Variants in PRKG1 observed in about 807,000 individuals in gnomAD.
PRKG1 encodes protein kinase cGMP-dependent 1.
Under a neutral mutation model 88.1 loss-of-function variants are expected in PRKG1, and 35 were observed. That is an observed-to-expected ratio of 0.40 (90% CI 0.30 to 0.53). PRKG1 has a LOEUF of 0.53. PRKG1 is among the 20% of genes least tolerant of loss of function. The pLI is 0.59. For synonymous variants in PRKG1, 303 were observed against 292.5 expected (o/e 1.04, Z -0.37); for missense variants, 540 against 839.8 (o/e 0.64, Z 4.41).
At chr10:51,718,022 A>T (rs1841926882) in intron 3 of PRKG1, among the ~76,000 whole-genome samples, 2 of 152,082 alleles carry the variant, frequency 1.3e-5, no homozygotes, top group Admixed American at 1.3e-4. Flanking sequence ...ACACTCATTA[A>T]ACATTTAATT....
intron 2 of PRKG1, among the ~76,000 whole-genome samples, chr10:51,400,664 C>A (rs569159812): frequency 2.6e-5 from 4 of 152,314 alleles, no homozygotes; most frequent in Middle Eastern, 3.4e-3. Context: ...GAAGTGAGTG[C>A]GTTTCTGTTT....
At chr10:51,134,107 T>A (rs1432663821) in intron 1 of PRKG1, among the ~76,000 whole-genome samples, 1 of 152,226 alleles carries the variant, frequency 6.6e-6, no homozygotes, top group Non-Finnish European at 1.5e-5. Context: ...GATTCTAATA[T>A]CCGCCATTAT....
intron 2 of PRKG1, among the ~76,000 whole-genome samples, chr10:51,220,500 G>T (rs1330948955): frequency 6.6e-6 from 1 of 151,884 alleles, no homozygotes; most frequent in African/African-American, 2.4e-5. Flanking sequence ...ATCTAACAGA[G>T]AATTCACAGT....
At chr10:52,126,729 C>T (rs1055724838) in intron 7 of PRKG1, among the ~76,000 whole-genome samples, 5 of 151,996 alleles carry the variant, frequency 3.3e-5, no homozygotes, top group African/African-American at 1.2e-4. Context: ...TATGGATGAA[C>T]TGAAATAGAA....
At chr10:51,233,500 G>A (rs1244992020) in intron 2 of PRKG1, among the ~76,000 whole-genome samples, 2 of 152,162 alleles carry the variant, frequency 1.3e-5, no homozygotes, top group East Asian at 3.9e-4. Flanking sequence ...TATTCCAGAT[G>A]GAATGTTATT....
chr10:51,722,791 G>A (rs896405503), intron 3 of PRKG1, among the ~76,000 whole-genome samples: 4 of 152,128 alleles, frequency 2.6e-5, no homozygotes, highest in African/African-American at 4.8e-5. Context: ...GATAGTCAAG[G>A]ATTATAAAAG....
chr10:51,885,408 A>T (rs1589387904), intron 4 of PRKG1, among the ~76,000 whole-genome samples: 1 of 152,366 alleles, frequency 6.6e-6, no homozygotes, highest in African/African-American at 2.4e-5. Context: ...TAATTGGCCA[A>T]AGGTTTCTGC....
At chr10:52,198,766 G>A (rs767325401) in intron 9 of PRKG1, among the ~76,000 whole-genome samples, 19 of 151,830 alleles carry the variant, frequency 1.3e-4, no homozygotes, top group African/African-American at 3.4e-4. Context: ...TTGTGGTTGC[G>A]TCACTCCAAT....
intron 3 of PRKG1, among the ~76,000 whole-genome samples, chr10:51,763,603 CAA>C (rs34657565): frequency 0.087 from 10,780 of 124,008 alleles, 425 homozygotes; most frequent in East Asian, 0.12. Context: ...TGATCAAATG[CAA>C]AAAAAAAAAA....
At chr10:51,031,696 T>C (rs901317926) in intron 1 of PRKG1, among the ~76,000 whole-genome samples, 5 of 152,188 alleles carry the variant, frequency 3.3e-5, no homozygotes, top group African/African-American at 1.2e-4. Flanking sequence ...AGAAGTTACA[T>C]GAGTTATCCA....
At chr10:52,010,247 T>A (rs1336570795) in intron 5 of PRKG1, among the ~76,000 whole-genome samples, 1 of 151,886 alleles carries the variant, frequency 6.6e-6, no homozygotes, top group African/African-American at 2.4e-5. Context: ...GCTTACAGAG[T>A]AGGAGAAAAT....
rs770648026 is a variant in PRKG1 at position 52,203,932 on chromosome 10, C to CA, written c.1076+41969_1076+41970insA. Among the ~76,000 whole-genome samples the CA allele has an allele frequency of 2.6e-5, 4 of 152,180 alleles. No individual in the cohort carries two copies. The South Asian group carries it at 8.3e-4, about 32-fold the overall frequency. The stretch of plus-strand genomic sequence containing the variant: ...GAGTCATTGCATGTGAGATGGGTCA[C>CA]TTGAAGACAGCATACAGTTGGGTCT... On this transcript the variant is annotated intron_variant, in intron 9 of 17. Coordinates refer to ENST00000373980, the MANE Select transcript of PRKG1 (RefSeq NM_006258.4).
At chr10:52,218,387 TC>T (rs1840165953) in intron 9 of PRKG1, among the ~76,000 whole-genome samples, 1 of 151,718 alleles carries the variant, frequency 6.6e-6, no homozygotes, top group African/African-American at 2.4e-5. Context: ...TCCAAGAAAT[TC>T]TCATAAAAAG....
chr10:51,718,782 A>G (rs975406628), intron 3 of PRKG1, among the ~76,000 whole-genome samples: 1 of 149,036 alleles, frequency 6.7e-6, no homozygotes, highest in African/African-American at 2.5e-5. Context: ...TGGGAAGGGT[A>G]GTAGGGGCCA....
chr10:51,458,432 CTTT>C (rs10707987), intron 2 of PRKG1, among the ~76,000 whole-genome samples: 4,095 of 148,228 alleles, frequency 0.028, 178 homozygotes, highest in African/African-American at 0.095. Flanking sequence ...TTTAATAACC[CTTT>C]TTTTTTTTTA....
At chr10:51,131,614 A>G (rs1845570548) in intron 1 of PRKG1, among the ~76,000 whole-genome samples, 2 of 152,184 alleles carry the variant, frequency 1.3e-5, no homozygotes, top group Admixed American at 6.6e-5. Flanking sequence ...ATACATACAT[A>G]CATACATACA....
intron 3 of PRKG1, among the ~76,000 whole-genome samples, chr10:51,612,662 T>C (rs1235163568): frequency 6.6e-6 from 1 of 152,062 alleles, no homozygotes; most frequent in Non-Finnish European, 1.5e-5. Context: ...GGTACTTTCT[T>C]GAGTAAGAGT....
intron 3 of PRKG1, among the ~76,000 whole-genome samples, chr10:51,586,485 G>A (rs1383411173): frequency 6.6e-5 from 10 of 152,072 alleles, no homozygotes; most frequent in Admixed American, 1.3e-4. Flanking sequence ...TCAGTTACAT[G>A]TTCATATGTG....
intron 9 of PRKG1, among the ~76,000 whole-genome samples, chr10:52,226,472 T>C (rs1322971496): frequency 6.6e-6 from 1 of 152,198 alleles, no homozygotes; most frequent in Non-Finnish European, 1.5e-5. Flanking sequence ...TGGTTTTTAT[T>C]ATAAAACATG....
Sources: gnomAD v4.1 joint callset for allele counts (sites outside exome capture counted in the v4.1 genomes callset) on GRCh38, gnomAD v4.1.1 for gene constraint, MANE v1.5 for transcripts, NCBI Gene and HGNC (gene_info 2026-07-23, HGNC 2026-07-21) for gene names.